Variants in INPP5F observed in about 807,000 individuals in gnomAD.
INPP5F encodes phosphatidylinositide 4-phosphatase SAC2.
INPP5F carries 97 observed loss-of-function variants against 137.2 expected under a neutral mutation model. That is an observed-to-expected ratio of 0.71 (90% confidence interval 0.60 to 0.84). INPP5F has a LOEUF of 0.84. INPP5F is among the 40% of genes least tolerant of loss of function. INPP5F has a pLI of 0.00. For synonymous variants in INPP5F, 504 were observed against 476.9 expected, an observed-to-expected ratio of 1.06 and a Z score of -0.74; for missense variants, 1,271 against 1,371.9, an observed-to-expected ratio of 0.93 and a Z score of 1.16.
At chr10:119,796,463 A>G (rs1850388564) in intron 6 of INPP5F, among the ~76,000 whole-genome samples, 1 of 152,158 alleles carries the variant, frequency 6.6e-6, no homozygotes. Context: ...CCCCTCAGTG[A>G]GTTAATAAAT....
At chr10:119,753,504 C>T (rs961768792) in intron 2 of INPP5F, among the ~76,000 whole-genome samples, 4 of 152,184 alleles carry the variant, frequency 2.6e-5, no homozygotes, top group African/African-American at 9.7e-5. Flanking sequence ...TAGCAACATT[C>T]ACCAGGAGTT....
At chr10:119,728,670 A>C (rs1305630145) in intron 1 of INPP5F, among the ~76,000 whole-genome samples, 1 of 152,222 alleles carries the variant, frequency 6.6e-6, no homozygotes, top group Admixed American at 6.5e-5. Context: ...CTTTTTCTAG[A>C]GACATCAGAA....
chr10:119,757,583 G>C (rs548427220), intron 2 of INPP5F, among the ~76,000 whole-genome samples: 1 of 152,058 alleles, frequency 6.6e-6, no homozygotes, highest in Admixed American at 6.5e-5. Context: ...CTTGAGGTCA[G>C]GAATTTGAGA....
In INPP5F at chr10:119,791,632, C is replaced by T; in HGVS notation, c.431C>T (p.Pro144Leu). The T allele has an allele frequency of 8.1e-6, 13 of 1,603,188 alleles. No homozygotes were observed. The highest frequency in any genetic ancestry group is 1.1e-5 in the Non-Finnish European group (13 of 1,171,832). ...CATATTAAATCCAATGTGTCTGCTC[C>T]TAATAAAAAGAAAGTAAGAGTTTAA... ...FTHIKSNVSAPNKKKVKESKE... is the reference protein window; with the variant it reads ...FTHIKSNVSALNKKKVKESKE... The change falls in exon 4 of 20, where the codon CCT becomes CTT. Residue 144 changes from proline to leucine, a missense_variant. Coordinates refer to ENST00000650623, the MANE Select transcript of INPP5F (RefSeq NM_014937.4).
intron 2 of INPP5F, among the ~76,000 whole-genome samples, chr10:119,756,656 C>T (rs1012785550): frequency 1.3e-5 from 2 of 151,600 alleles, no homozygotes; most frequent in African/African-American, 4.8e-5. Context: ...CAAAACAAAA[C>T]AAAAAAATAG....
chr10:119,788,984 G>T (rs1850029088), intron 3 of INPP5F, among the ~76,000 whole-genome samples: 1 of 152,132 alleles, frequency 6.6e-6, no homozygotes, highest in East Asian at 1.9e-4. Flanking sequence ...CCAGCACTTC[G>T]GGAGGCCGAG....
chr10:119,753,606 G>T (rs1344048957), intron 2 of INPP5F, among the ~76,000 whole-genome samples: 1 of 152,054 alleles, frequency 6.6e-6, no homozygotes, highest in East Asian at 1.9e-4. Context: ...CTCTCTCCTG[G>T]ATAACCTGGA....
intron 1 of INPP5F, among the ~76,000 whole-genome samples, chr10:119,740,582 G>A (rs1007381504): frequency 3.3e-5 from 5 of 151,658 alleles, no homozygotes; most frequent in East Asian, 1.9e-4. Flanking sequence ...TCACTCTTTC[G>A]CCCAGGCTGG....
rs1242476231 is a variant in INPP5F at position 119,726,340 on chromosome 10, C to T, written c.78C>T (p.Gly26=). The change falls in exon 1 of 20, where the codon GGC becomes GGT. Residue 26 remains glycine, a synonymous_variant. Coordinates refer to ENST00000650623, the MANE Select transcript of INPP5F (RefSeq NM_014937.4). ...ERALWCSRRD[G]GLQLRPATDL... is the part of the protein sequence containing the mutation. ...CGCTGTGGTGCAGCCGCCGCGACGG[C>T]GGCCTCCAGCTCCGACCCGGTGAGG... 1 of 1,459,034 alleles carries T rather than the reference C, an allele frequency of 6.9e-7. No individual in the cohort carries two copies. The allele number at this position is 1,459,034 out of a possible 1,614,324, so 90.4% of individuals were successfully genotyped here. A position where few individuals can be genotyped will look rare whatever the true frequency, so the allele number is the denominator to read the frequency against.
chr10:119,778,567 T>C (rs1826435737), intron 2 of INPP5F, among the ~76,000 whole-genome samples: 1 of 152,106 alleles, frequency 6.6e-6, no homozygotes, highest in South Asian at 2.1e-4. Context: ...CTGTCTTGTG[T>C]TTATTAAAGG....
intron 2 of INPP5F, among the ~76,000 whole-genome samples, chr10:119,773,335 A>G (rs1849424780): frequency 1.3e-5 from 2 of 152,074 alleles, no homozygotes; most frequent in Non-Finnish European, 2.9e-5. Context: ...GGGATTACAG[A>G]CATAAGCCAC....
Position 119,823,134 on chromosome 10 carries a change from A to G in INPP5F, c.2096A>G (p.Lys699Arg). The change falls in exon 18 of 20, where the codon AAA becomes AGA. Residue 699 changes from lysine (K) to arginine (R), a missense_variant. Lys to Arg is a conservative substitution (Grantham distance 26, BLOSUM62 2). Coordinates refer to ENST00000650623, the MANE Select transcript of INPP5F (RefSeq NM_014937.4). ...TGCATGCGACTGCACTACAGATACA[A>G]AGAAGCGAGTGGCTATTTCCACACA... is the stretch of plus-strand genomic sequence containing the variant. ...FSCMRLHYRYKEASGYFHTLR... is the reference protein window; with the variant it reads ...FSCMRLHYRYREASGYFHTLR... 6.2e-7 allele frequency: 1 copy of G among 1,614,180 alleles called. No homozygotes were observed. Among genetic ancestry groups the G allele is most frequent in the Non-Finnish European group, 8.5e-7 (1 of 1,179,988 alleles).
intron 15 of INPP5F, among the ~76,000 whole-genome samples, chr10:119,817,603 A>AT (rs796441878): frequency 6.7e-4 from 101 of 149,802 alleles, no homozygotes; most frequent in East Asian, 3.1e-3. Context: ...GATGTTAAGG[A>AT]TTTTTTTTTT....
intron 2 of INPP5F, among the ~76,000 whole-genome samples, chr10:119,761,973 C>T (rs1400114509): frequency 6.6e-6 from 1 of 152,098 alleles, no homozygotes; most frequent in Non-Finnish European, 1.5e-5. Flanking sequence ...TCCAGGACCA[C>T]CCACGTATAC....
At chr10:119,799,705 C>A (rs1350978278) in intron 9 of INPP5F, among the ~76,000 whole-genome samples, 1 of 151,940 alleles carries the variant, frequency 6.6e-6, no homozygotes, top group Non-Finnish European at 1.5e-5. Flanking sequence ...ACTGCTTAGC[C>A]CAGTAATTTT....
Position 119,767,107 on chromosome 10 carries a change from GAAAAAAAA to G in INPP5F, c.179-14509_179-14502del, listed in dbSNP as rs35875262. ...GCAACAGAGTGAGACTCTGTCTCCA[GAAAAAAAA>G]AAAAAAAAAAAAAAAAAACCTAGAG... is the stretch of plus-strand genomic sequence containing the variant. On this transcript the variant is annotated intron_variant, in intron 2 of 19. Coordinates refer to ENST00000650623, the MANE Select transcript of INPP5F (RefSeq NM_014937.4). Among the ~76,000 whole-genome samples, 11 of 40,544 alleles carry G rather than the reference GAAAAAAAA, an allele frequency of 2.7e-4. 1 individual carries two copies. The highest frequency in any genetic ancestry group is 4.4e-4 in the Non-Finnish European group (11 of 24,990). The allele number at this position is 40,544 out of a possible 152,430, so 26.6% of individuals were successfully genotyped here.
intron 1 of INPP5F, among the ~76,000 whole-genome samples, chr10:119,750,060 C>A (rs574536499): frequency 6.6e-6 from 1 of 152,116 alleles, no homozygotes; most frequent in Admixed American, 6.5e-5. Context: ...TGAGCCACCA[C>A]GTCCAGCCAA....
At chr10:119,727,448 C>T (rs1564794290) in intron 1 of INPP5F, among the ~76,000 whole-genome samples, 1 of 152,126 alleles carries the variant, frequency 6.6e-6, no homozygotes, top group Non-Finnish European at 1.5e-5. Context: ...TTACAGGACA[C>T]GTGTGGGATC....
intron 9 of INPP5F, among the ~76,000 whole-genome samples, chr10:119,803,593 A>T (rs1036604617): frequency 2.0e-5 from 3 of 151,988 alleles, no homozygotes; most frequent in Admixed American, 1.3e-4. Context: ...TAGCTTCCAA[A>T]TTTTTTCCAC....
Sources: gnomAD v4.1 joint callset for allele counts (sites outside exome capture counted in the v4.1 genomes callset) on GRCh38, gnomAD v4.1.1 for gene constraint, MANE v1.5 for transcripts, NCBI Gene and HGNC (gene_info 2026-07-23, HGNC 2026-07-21) for gene names.